PABPC1L: variants seen among roughly 807,000 people sequenced by gnomAD.
PABPC1L encodes poly(A) binding protein cytoplasmic 1 like, also known as polyadenylate-binding protein 1-like.
Under a neutral mutation model 66.6 loss-of-function variants are expected in PABPC1L, and 31 were observed. The observed-to-expected ratio is 0.47, with a 90% CI of 0.35 to 0.63. PABPC1L has a LOEUF of 0.63. PABPC1L is among the 20% of genes least tolerant of loss of function. PABPC1L has a pLI of 0.00. For synonymous variants in PABPC1L, 348 were observed against 335.1 expected, an observed-to-expected ratio of 1.04 and a Z score of -0.42; for missense variants, 722 against 848.8, an observed-to-expected ratio of 0.85 and a Z score of 1.86.
rs533699498 is a variant in PABPC1L at position 44,920,594 on chromosome 20, G to A, written c.739-1000G>A. Among the ~76,000 whole-genome samples, 213 of 151,360 alleles carry A rather than the reference G, an allele frequency of 1.4e-3. 1 individual carries two copies. The highest frequency in any genetic ancestry group is 4.9e-3 in the African/African-American group (204 of 41,222). On this transcript the variant is annotated intron_variant, in intron 5 of 14. Transcript: ENST00000217073. ...AGTAATTCTCCTGCCTCAACCTCCC[G>A]AGTAGCTGGGACTACAGGCGCCCGC...
At chr20:44,919,375 C>A in intron 5 of PABPC1L, 98 bp downstream of exon 5, 1 of 1,327,764 alleles carries the variant, frequency 7.5e-7, no homozygotes, top group South Asian at 1.3e-5. Context: ...AAGTCCCTCC[C>A]CGGCCTAAGC....
Position 44,918,985 on chromosome 20 carries a change from G to A in PABPC1L, c.583G>A (p.Val195Met), listed in dbSNP as rs1327049325. Residue 195 changes from valine (V) to methionine (M), a missense_variant, in exon 4 of 15, where the codon GTG becomes ATG. By Grantham distance (21) the Val-to-Met change is conservative (BLOSUM62 1). This residue lies in a region of PABPC1L where 284 missense variants were observed against 294.8 expected (regional missense o/e 0.96). Transcript: ENST00000217073. Reference sequence around the variant, plus strand: ...GGCCCTGGAGTTCACCAACATCTACGTGAAGAACCTCCCGGTGGATGTGGA... The same window carrying A: ...GGCCCTGGAGTTCACCAACATCTACATGAAGAACCTCCCGGTGGATGTGGA... ...ARALEFTNIYVKNLPVDVDEQ... is the reference protein window; with the variant it reads ...ARALEFTNIYMKNLPVDVDEQ... The A allele has an allele frequency of 4.3e-6, 7 of 1,613,494 alleles. No individual in the cohort carries two copies. Among genetic ancestry groups the A allele is most frequent in the African/African-American group, 2.7e-5 (2 of 74,912 alleles).
At chr20:44,934,301 C>T (rs2066884287) in intron 10 of PABPC1L, among the ~76,000 whole-genome samples, 1 of 152,190 alleles carries the variant, frequency 6.6e-6, no homozygotes. Flanking sequence ...GACACCCCTG[C>T]TTATTCCTTT....
intron 7 of PABPC1L, among the ~76,000 whole-genome samples, chr20:44,927,606 C>T (rs1207704131): frequency 2.6e-5 from 4 of 152,264 alleles, no homozygotes; most frequent in East Asian, 1.9e-4. Context: ...GCCTCAGCCT[C>T]CCAAAGTGCT....
In PABPC1L at chr20:44,910,141, A is replaced by G. The variant is rs750794888; in HGVS notation, c.-3A>G. On this transcript the variant is annotated 5_prime_UTR_variant, in exon 1 of 15. Transcript: ENST00000217073. Reference sequence around the variant, plus strand: ...GCCCCGCAGCCCCGGCCCCCTGCCCACCATGAACGCCAGCGGTTCTGGCTA... The same window carrying G: ...GCCCCGCAGCCCCGGCCCCCTGCCCGCCATGAACGCCAGCGGTTCTGGCTA... The G allele has an allele frequency of 1.2e-5, 18 of 1,558,288 alleles. No homozygotes were observed. The highest frequency in any genetic ancestry group is 1.6e-5 in the Non-Finnish European group (18 of 1,151,684).
chr20:44,917,082 G>A (rs987659582), intron 3 of PABPC1L, among the ~76,000 whole-genome samples: 1 of 152,206 alleles, frequency 6.6e-6, no homozygotes, highest in African/African-American at 2.4e-5. Flanking sequence ...CTGCATTAGA[G>A]TATGGTAAAG....
rs185971094 is a variant in PABPC1L at position 44,924,615 on chromosome 20, G to A, written c.972+359G>A. 1.8e-4 allele frequency among the ~76,000 whole-genome samples: 27 copies of A among 152,286 alleles called. No individual in the cohort carries two copies. The East Asian group carries it at 4.4e-3, about 25-fold the overall frequency. On this transcript the variant is annotated intron_variant, in intron 7 of 14. Coordinates refer to ENST00000217073, the MANE Select transcript of PABPC1L (RefSeq NM_001372179.1). Reference sequence around the variant, plus strand: ...AGTGACATTACCCTCCTGGGCCTCCGTTTTCCCATCTGGAAAGTGAGAGGG... The same window carrying A: ...AGTGACATTACCCTCCTGGGCCTCCATTTTCCCATCTGGAAAGTGAGAGGG...
At chr20:44,937,994 T>C in intron 12 of PABPC1L, 67 bp from the exon 13 acceptor site, 1 of 1,607,198 alleles carries the variant, frequency 6.2e-7, no homozygotes, top group Admixed American at 1.7e-5. Context: ...CTCCACTCCA[T>C]ACGAGCCCTG....
In PABPC1L at chr20:44,932,379, T is replaced by G. The variant is rs556015963; in HGVS notation, c.1277T>G (p.Val426Gly). ...AQAAYYGCGP[V>G]TPTQPAPRWT... ...GCTGCATACTATGGCTGTGGCCCAGTGACACCCACCCAGCCTGCCCCCAGG... is the reference window on the plus strand; with the variant it reads ...GCTGCATACTATGGCTGTGGCCCAGGGACACCCACCCAGCCTGCCCCCAGG... Residue 426 changes from valine to glycine, a missense_variant, in exon 9 of 15, where the codon GTG (valine) becomes GGG (glycine). Val to Gly is a moderately radical substitution (Grantham distance 109, BLOSUM62 -3). This residue lies in a region of PABPC1L where 301 missense variants were observed against 337.2 expected (regional missense o/e 0.89). Coordinates refer to ENST00000217073, the MANE Select transcript of PABPC1L (RefSeq NM_001372179.1). 1.5e-5 allele frequency: 25 copies of G among 1,613,812 alleles called. No individual in the cohort carries two copies. The East Asian group carries it at 5.1e-4, about 33-fold the overall frequency.
At chr20:44,912,074 A>G (rs2066709221) in intron 1 of PABPC1L, among the ~76,000 whole-genome samples, 1 of 152,132 alleles carries the variant, frequency 6.6e-6, no homozygotes, top group Non-Finnish European at 1.5e-5. Flanking sequence ...CCCTCCAACA[A>G]CCTGGTAGTT....
chr20:44,922,066 C>T (rs2066778146), intron 6 of PABPC1L, among the ~76,000 whole-genome samples: 1 of 152,120 alleles, frequency 6.6e-6, no homozygotes, highest in Non-Finnish European at 1.5e-5. Context: ...CCGCATATTG[C>T]CAGATGCCCC....
chr20:44,925,104 TC>T (rs1310046491), intron 7 of PABPC1L, among the ~76,000 whole-genome samples: 1 of 150,440 alleles, frequency 6.6e-6, no homozygotes, highest in Non-Finnish European at 1.5e-5. Context: ...TCCCAGGTAT[TC>T]CGGAGGCTGA....
chr20:44,938,535 TG>T, intron 13 of PABPC1L, 138 bp from the exon 14 acceptor site: 1 of 963,428 alleles, frequency 1.0e-6, no homozygotes, highest in Non-Finnish European at 1.5e-6. Flanking sequence ...CAAGCAGTGG[TG>T]GATGGGAGGG....
At chr20:44,910,928 T>G (rs2066700024) in intron 1 of PABPC1L, among the ~76,000 whole-genome samples, 1 of 152,186 alleles carries the variant, frequency 6.6e-6, no homozygotes, top group South Asian at 2.1e-4. Flanking sequence ...TAGCATTGAT[T>G]AGAGCTTGTC....
At chr20:44,917,226 A>G (rs1411904853) in intron 3 of PABPC1L, among the ~76,000 whole-genome samples, 1 of 152,200 alleles carries the variant, frequency 6.6e-6, no homozygotes, top group African/African-American at 2.4e-5. Flanking sequence ...TATGTAGCCC[A>G]GGCTGGAGTG....
chr20:44,917,658 G>A (rs1393413345), intron 3 of PABPC1L, among the ~76,000 whole-genome samples: 1 of 152,126 alleles, frequency 6.6e-6, no homozygotes, highest in East Asian at 1.9e-4. Flanking sequence ...ATCTGCCTCT[G>A]GCTGTTCCCT....
intron 3 of PABPC1L, among the ~76,000 whole-genome samples, chr20:44,917,588 T>C (rs932133114): frequency 4.6e-5 from 7 of 152,172 alleles, no homozygotes; most frequent in African/African-American, 1.2e-4. Context: ...ATCATACTGT[T>C]AACTTCGATA....
At chr20:44,938,649 C>T (rs777108061) in intron 13 of PABPC1L, 25 bp from the exon 14 acceptor site, 5 of 1,584,152 alleles carry the variant, frequency 3.2e-6, no homozygotes, top group Non-Finnish European at 2.6e-6. Context: ...CTGCACTAAG[C>T]CCCCCCGCCA....
In PABPC1L at chr20:44,936,726, G is replaced by A; in HGVS notation, c.1656G>A (p.Met552Ile). The A allele has an allele frequency of 6.2e-7, 1 of 1,606,018 alleles. No homozygotes were observed. The highest frequency in any genetic ancestry group is 1.1e-5 in the South Asian group (1 of 88,732). Residue 552 changes from methionine to isoleucine, a missense_variant, in exon 12 of 15, where the codon ATG (methionine) becomes ATA (isoleucine). Transcript: ENST00000217073. ...CGCCCCTGCATGAGCAAAAGCAGAT[G>A]ATTGGTGAGTGGCTGGTTCTCCTAC... Reference protein sequence around the residue: ...AAAPLHEQKQMIGERLYPLIH... With the variant: ...AAAPLHEQKQIIGERLYPLIH...
Sources: allele counts gnomAD v4.1 joint callset (sites outside exome capture counted in the v4.1 genomes callset), GRCh38; gene constraint gnomAD v4.1.1; regional missense constraint gnomAD v4.1.1; transcripts MANE v1.5; gene names NCBI Gene and HGNC (gene_info 2026-07-23, HGNC 2026-07-21).